The following CCDC149 variants were observed in gnomAD, a reference collection of about 807,000 sequenced individuals.
CCDC149 encodes coiled-coil domain-containing protein 149.
Under a neutral mutation model 59.9 loss-of-function variants are expected in CCDC149, and 45 were observed. The observed-to-expected ratio is 0.75, with a 90% CI of 0.59 to 0.96. The LOEUF (loss-of-function observed/expected upper bound fraction) is 0.96. CCDC149 is among the 40% of genes least tolerant of loss of function. The pLI is 0.00. For synonymous variants in CCDC149, 245 were observed against 260.6 expected (o/e 0.94, Z 0.58); for missense variants, 584 against 664.7 (o/e 0.88, Z 1.33).
chr4:24,822,784 C>A (rs924872542), intron 9 of CCDC149: 3 of 384,562 alleles, frequency 7.8e-6, no homozygotes, highest in Admixed American at 4.6e-5. Context: ...AAAAACAATA[C>A]TAAAATGCCA....
chr4:24,814,567 G>T (rs1714887356), intron 12 of CCDC149, among the ~76,000 whole-genome samples: 1 of 152,058 alleles, frequency 6.6e-6, no homozygotes, highest in African/African-American at 2.4e-5. Flanking sequence ...AAACATGCAG[G>T]GTCTCAGGCC....
rs758496055 is a variant in CCDC149, at chr4:24,838,257, T to C, written c.388A>G (p.Ile130Val). 3.1e-6 allele frequency: 5 copies of C among 1,613,940 alleles called. No individual in the cohort carries two copies. The South Asian group carries it at 5.5e-5, about 18-fold the overall frequency. Residue 130 changes from isoleucine (I) to valine (V), a missense_variant, in exon 5 of 13, where the codon ATT becomes GTT. By Grantham distance (29) the Ile-to-Val change is conservative. Transcript: ENST00000635206. ...TCGTCTCCGAGCCTTTGTTTGGCAA[T>C]CGTCATCCTCAAGAGCTGCATTTTC...
At chr4:24,833,428 A>G (rs1716290054) in intron 8 of CCDC149, among the ~76,000 whole-genome samples, 1 of 152,152 alleles carries the variant, frequency 6.6e-6, no homozygotes, top group South Asian at 2.1e-4. Context: ...GTTTGAGCTC[A>G]GCCTGGCCAA....
chr4:24,960,334 A>G (rs560332862), intron 1 of CCDC149, among the ~76,000 whole-genome samples: 8 of 152,276 alleles, frequency 5.3e-5, no homozygotes, highest in East Asian at 1.9e-4. Context: ...TAGAAGTTCT[A>G]TTGGGTTATA....
chr4:24,933,879 T>C (rs1323953661), intron 1 of CCDC149, among the ~76,000 whole-genome samples: 1 of 152,226 alleles, frequency 6.6e-6, no homozygotes, highest in Non-Finnish European at 1.5e-5. Flanking sequence ...TGGATGGTTC[T>C]TCTGCTCCAT....
chr4:24,959,034 C>T (rs546783575), intron 1 of CCDC149, among the ~76,000 whole-genome samples: 11 of 152,102 alleles, frequency 7.2e-5, no homozygotes, highest in Non-Finnish European at 1.6e-4. Flanking sequence ...ACTGCAGTGG[C>T]GCGATCTTGG....
chr4:24,870,591 T>A (rs1357404675), intron 3 of CCDC149, among the ~76,000 whole-genome samples: 1 of 152,230 alleles, frequency 6.6e-6, no homozygotes, highest in African/African-American at 2.4e-5. Context: ...GTTGAACTTA[T>A]ATTTTTAGAG....
chr4:24,835,180 A>G (rs1015288423), intron 7 of CCDC149, 148 bp from the exon 8 acceptor site: 8 of 551,908 alleles, frequency 1.4e-5, no homozygotes, highest in African/African-American at 1.3e-4. Flanking sequence ...GTCTACGCCC[A>G]AGAGTTATAA....
At chr4:24,835,714 A>G (rs1716470737) in intron 7 of CCDC149, among the ~76,000 whole-genome samples, 1 of 152,228 alleles carries the variant, frequency 6.6e-6, no homozygotes, top group African/African-American at 2.4e-5. Flanking sequence ...ATGGAAAGGA[A>G]GAACAGCACG....
Position 24,895,157 on chromosome 4 carries a change from C to T in CCDC149, c.63+17660G>A, listed in dbSNP as rs937978329. 5 of 775,770 alleles carry T rather than the reference C, an allele frequency of 6.4e-6. No homozygotes were observed. The African/African-American group carries it at 8.6e-5, about 13-fold the overall frequency. 48.1% of individuals were successfully genotyped at this position (775,770 alleles called of 1,614,324 possible). A position where few individuals can be genotyped will look rare whatever the true frequency, so the allele number is the denominator to read the frequency against. On this transcript the variant is annotated intron_variant, in intron 1 of 12. Transcript: ENST00000635206. ...CACGTTATAAAAACAGCATATGATA[C>T]TGGAAGTCAGAATAATGGTTACCTC...
At chr4:24,891,902 G>A (rs1346272689) in intron 1 of CCDC149, among the ~76,000 whole-genome samples, 1 of 152,118 alleles carries the variant, frequency 6.6e-6, no homozygotes, top group African/African-American at 2.4e-5. Context: ...GGGAGGCTGA[G>A]GTGGGAGGAT....
At chr4:24,948,456 C>G (rs1479459991) in intron 1 of CCDC149, among the ~76,000 whole-genome samples, 3 of 152,218 alleles carry the variant, frequency 2.0e-5, no homozygotes, top group African/African-American at 7.2e-5. Flanking sequence ...CAGACCCATG[C>G]TCCAGCATTC....
At chr4:24,831,993 A>G (rs753949735) in intron 8 of CCDC149, among the ~76,000 whole-genome samples, 1 of 152,220 alleles carries the variant, frequency 6.6e-6, no homozygotes, top group Admixed American at 6.5e-5. Flanking sequence ...CATTTCATGG[A>G]CAAAGCAAGG....
chr4:24,820,032 TTTAGTCCCACACAC>T, intron 11 of CCDC149, 57 bp from the exon 12 acceptor site: 1 of 1,307,336 alleles, frequency 7.6e-7, no homozygotes, highest in Non-Finnish European at 1.1e-6. Flanking sequence ...TTGGGTTGCA[TTTAGTCCCACACAC>T]TTAATCGGCA....
chr4:24,877,333 G>T (rs1719528812), intron 1 of CCDC149, among the ~76,000 whole-genome samples: 1 of 151,960 alleles, frequency 6.6e-6, no homozygotes, highest in Non-Finnish European at 1.5e-5. Context: ...ATACAGACGC[G>T]TACCACCATG....
intron 1 of CCDC149, among the ~76,000 whole-genome samples, chr4:24,929,714 A>G (rs1416222235): frequency 1.3e-5 from 2 of 152,090 alleles, no homozygotes; most frequent in Non-Finnish European, 1.5e-5. Flanking sequence ...TTTGCCTAGA[A>G]CACCCACTCA....
chr4:24,853,044 G>T, intron 4 of CCDC149, 28 bp downstream of exon 4: 1 of 1,416,878 alleles, frequency 7.1e-7, no homozygotes, highest in Non-Finnish European at 1.0e-6. Context: ...TTGCAGCAGA[G>T]CTTCTTCCCT....
At chr4:24,860,541 C>A (rs1368772521) in intron 3 of CCDC149, among the ~76,000 whole-genome samples, 2 of 152,080 alleles carry the variant, frequency 1.3e-5, no homozygotes, top group African/African-American at 4.8e-5. Flanking sequence ...TAGGCAAATA[C>A]ATCATGACCA....
At chr4:24,903,024 CAAA>C (rs10646050) in intron 1 of CCDC149, among the ~76,000 whole-genome samples, 5 of 52,506 alleles carry the variant, frequency 9.5e-5, no homozygotes, top group Admixed American at 2.7e-4. Context: ...GAGTCTAACT[CAAA>C]AAAAAAAAAA....
Sources: allele counts gnomAD v4.1 joint callset (sites outside exome capture counted in the v4.1 genomes callset), GRCh38; gene constraint gnomAD v4.1.1; transcripts MANE v1.5; gene names NCBI Gene and HGNC (gene_info 2026-07-23, HGNC 2026-07-21).